KCNB2: variants seen among roughly 807,000 people sequenced by gnomAD.
KCNB2 encodes the protein delayed rectifier potassium channel protein.
In KCNB2, 15 loss-of-function variants were observed where a neutral mutation model predicts 61.5. The observed-to-expected ratio is 0.24, with a 90% CI of 0.16 to 0.38. KCNB2 has a LOEUF of 0.38. KCNB2 is among the 10% of genes least tolerant of loss of function. KCNB2 has a pLI of 1.00. For synonymous variants in KCNB2, 457 were observed against 446.0 expected, an observed-to-expected ratio of 1.02 and a Z score of -0.31; for missense variants, 828 against 1,125.2, an observed-to-expected ratio of 0.74 and a Z score of 3.78.
chr8:72,927,411 C>T (rs556268953), intron 2 of KCNB2, among the ~76,000 whole-genome samples: 284 of 152,226 alleles, frequency 1.9e-3, no homozygotes, highest in African/African-American at 6.6e-3. Context: ...GTTGGGATTA[C>T]AGGCACATGC....
chr8:72,656,977 C>G (rs1806302162), intron 2 of KCNB2, among the ~76,000 whole-genome samples: 2 of 152,134 alleles, frequency 1.3e-5, no homozygotes, highest in African/African-American at 4.8e-5. Flanking sequence ...GTCCCAGCCT[C>G]TAACTTGTTA....
At position 72,622,905 on chromosome 8, in the gene KCNB2, G is replaced by C. The variant is rs140639765; in HGVS notation, c.579+54592G>C. The stretch of plus-strand genomic sequence containing the variant: ...ACACCAGCACTTCTGTTTGGGATCT[G>C]TTCCAGCTCCTGCTAGAACTTGCCA... On this transcript the variant is annotated intron_variant, in intron 2 of 2. Transcript: ENST00000523207. Among the ~76,000 whole-genome samples the C allele has an allele frequency of 2.1e-4, 32 of 152,248 alleles. No individual in the cohort carries two copies. The East Asian group carries it at 6.2e-3, about 29-fold the overall frequency.
chr8:72,721,566 A>G (rs1048581328), intron 2 of KCNB2, among the ~76,000 whole-genome samples: 2 of 152,252 alleles, frequency 1.3e-5, no homozygotes, highest in African/African-American at 2.4e-5. Context: ...AGGAATGGGA[A>G]GGTAACAGTG....
chr8:72,542,859 T>C (rs769730511), intron 1 of KCNB2, among the ~76,000 whole-genome samples: 19 of 152,204 alleles, frequency 1.2e-4, no homozygotes, highest in Non-Finnish European at 2.4e-4. Flanking sequence ...ACTCAGCTTC[T>C]GTGTGCCAAG....
intron 2 of KCNB2, among the ~76,000 whole-genome samples, chr8:72,818,205 T>G (rs925588647): frequency 2.6e-5 from 4 of 152,138 alleles, no homozygotes; most frequent in African/African-American, 9.7e-5. Context: ...AGAAAAAAAT[T>G]ATGGCCTATC....
rs1199287823 is a variant in KCNB2, at chr8:72,607,901, G to T, written c.579+39588G>T. ...AAATAAAAGTGACTTATTTAACTGG[G>T]TTAGTACATAAAAATACAGAAATTC... On this transcript the variant is annotated intron_variant, in intron 2 of 2. Transcript: ENST00000523207. 4.6e-5 allele frequency among the ~76,000 whole-genome samples: 7 copies of T among 152,038 alleles called. 1 individual carries two copies. The highest frequency in any genetic ancestry group is 3.3e-4 in the Admixed American group (5 of 15,260).
intron 1 of KCNB2, among the ~76,000 whole-genome samples, chr8:72,539,965 A>AT (rs2128976311): frequency 6.6e-6 from 1 of 152,320 alleles, no homozygotes; most frequent in African/African-American, 2.4e-5. Context: ...ATGGCAGGAT[A>AT]TGGTTTCGGT....
chr8:72,642,652 A>G (rs1806075068), intron 2 of KCNB2, among the ~76,000 whole-genome samples: 1 of 152,112 alleles, frequency 6.6e-6, no homozygotes, highest in Non-Finnish European at 1.5e-5. Context: ...TACACAACAG[A>G]AGAATTTTCC....
At chr8:72,665,986 C>T (rs1806464753) in intron 2 of KCNB2, among the ~76,000 whole-genome samples, 1 of 152,252 alleles carries the variant, frequency 6.6e-6, no homozygotes, top group Non-Finnish European at 1.5e-5. Flanking sequence ...CCCATGTCCC[C>T]TGGGACAGGG....
chr8:72,916,473 G>C (rs551925355), intron 2 of KCNB2, among the ~76,000 whole-genome samples: 2 of 152,140 alleles, frequency 1.3e-5, no homozygotes, highest in Non-Finnish European at 2.9e-5. Context: ...AAACTCCATG[G>C]GGGCCCTGCA....
At chr8:72,653,945 G>T (rs938240834) in intron 2 of KCNB2, among the ~76,000 whole-genome samples, 2 of 152,130 alleles carry the variant, frequency 1.3e-5, no homozygotes, top group Non-Finnish European at 2.9e-5. Context: ...TTCTAATTTA[G>T]AGCAATTCAT....
intron 2 of KCNB2, among the ~76,000 whole-genome samples, chr8:72,641,165 G>GA (rs563478848): frequency 2.0e-5 from 3 of 151,982 alleles, no homozygotes; most frequent in Non-Finnish European, 4.4e-5. Flanking sequence ...TTACTGGATG[G>GA]AAAATCAAAG....
chr8:72,599,484 A>G lies in KCNB2; in HGVS notation c.579+31171A>G, dbSNP rs577786550. On this transcript the variant is annotated intron_variant, in intron 2 of 2. Transcript: ENST00000523207. ...AAAAGACTTAAATGTTAGACCTAAA[A>G]CCATAAAAACCCTAGAAGAAAACCT... Among the ~76,000 whole-genome samples, 466 of 152,312 alleles carry G rather than the reference A, an allele frequency of 3.1e-3. 1 individual carries two copies. Among genetic ancestry groups the G allele is most frequent in the Non-Finnish European group, 5.2e-3 (357 of 68,024 alleles).
At position 72,567,717 on chromosome 8, in the gene KCNB2, G is replaced by A. The variant is rs1806645338; in HGVS notation, c.-18G>A. On this transcript the variant is annotated 5_prime_UTR_variant, in exon 2 of 3. Coordinates refer to ENST00000523207, the MANE Select transcript of KCNB2 (RefSeq NM_004770.3). ...CATTTTTTAAGGACCCTGGCTCTGCGGCTTTGTCCAGTTCAAAATGGCAGA... is the reference window on the plus strand; with the variant it reads ...CATTTTTTAAGGACCCTGGCTCTGCAGCTTTGTCCAGTTCAAAATGGCAGA... The A allele has an allele frequency of 4.0e-6, 6 of 1,506,238 alleles. No individual in the cohort carries two copies. The South Asian group carries it at 4.2e-5, about 10-fold the overall frequency. 93.3% of individuals were successfully genotyped at this position (1,506,238 alleles called of 1,614,324 possible). A position where few individuals can be genotyped will look rare whatever the true frequency, so the allele number is the denominator to read the frequency against.
chr8:72,552,352 G>A (rs908635782), intron 1 of KCNB2, among the ~76,000 whole-genome samples: 8 of 152,292 alleles, frequency 5.3e-5, no homozygotes, highest in African/African-American at 1.9e-4. Context: ...TGATGGAAAT[G>A]TTCTATATTG....
intron 2 of KCNB2, among the ~76,000 whole-genome samples, chr8:72,839,358 A>G (rs1445819714): frequency 6.6e-6 from 1 of 152,192 alleles, no homozygotes; most frequent in Non-Finnish European, 1.5e-5. Flanking sequence ...CATTCAGCCA[A>G]TATCTTTTGA....
intron 2 of KCNB2, among the ~76,000 whole-genome samples, chr8:72,764,157 G>A (rs142051476): frequency 3.3e-5 from 5 of 152,262 alleles, no homozygotes; most frequent in Middle Eastern, 3.4e-3. Context: ...GGAAAGAGGC[G>A]CAGTGCCCTG....
rs1426758995 is a variant in KCNB2 at position 72,568,052 on chromosome 8, G to A, written c.318G>A (p.Gly106=). 4 of 1,613,966 alleles carry A rather than the reference G, an allele frequency of 2.5e-6. No individual in the cohort carries two copies. Among genetic ancestry groups the A allele is most frequent in the Non-Finnish European group, 3.4e-6 (4 of 1,180,030 alleles). The stretch of plus-strand genomic sequence containing the variant: ...CCATTTTAAATTTCTACCGGACCGG[G>A]AAACTCCATATGATGGAAGAAATGT... ...FTSILNFYRT[G]KLHMMEEMCA... is the part of the protein sequence containing the mutation. Residue 106 remains glycine (G), a synonymous_variant, in exon 2 of 3, where the codon GGG becomes GGA. Coordinates refer to ENST00000523207, the MANE Select transcript of KCNB2 (RefSeq NM_004770.3).
intron 2 of KCNB2, among the ~76,000 whole-genome samples, chr8:72,820,071 C>G (rs1423527370): frequency 1.3e-5 from 2 of 152,040 alleles, no homozygotes; most frequent in Non-Finnish European, 2.9e-5. Context: ...CTCCAGATAC[C>G]CATCCTTCAG....
Sources: gnomAD v4.1 joint callset for allele counts (sites outside exome capture counted in the v4.1 genomes callset) on GRCh38, gnomAD v4.1.1 for gene constraint, MANE v1.5 for transcripts, NCBI Gene and HGNC (gene_info 2026-07-23, HGNC 2026-07-21) for gene names.